Variants in NETO1 observed in about 807,000 individuals in gnomAD.
The protein encoded by NETO1 is neuropilin and tolloid-like protein 1.
Under a neutral mutation model 61.3 loss-of-function variants are expected in NETO1, and 26 were observed. The ratio of observed to expected loss-of-function variants is 0.42; its 90% confidence interval spans 0.31 to 0.59. NETO1 has a LOEUF of 0.59. NETO1 is among the 20% of genes least tolerant of loss of function. The pLI is 0.12. For missense variants in NETO1, 531 were observed against 662.8 expected, an observed-to-expected ratio of 0.80 and a Z score of 2.18; for synonymous variants, 225 against 225.8, an observed-to-expected ratio of 1.00 and a Z score of 0.03.
chr18:72,860,588 A>C (rs895521079), intron 3 of NETO1, among the ~76,000 whole-genome samples: 2 of 152,216 alleles, frequency 1.3e-5, no homozygotes, highest in African/African-American at 4.8e-5. Flanking sequence ...AATTTCTAAA[A>C]AAGTTTCAGA....
At chr18:72,751,079 T>G (rs941670483) in intron 8 of NETO1, among the ~76,000 whole-genome samples, 2 of 46,882 alleles carry the variant, frequency 4.3e-5, no homozygotes, top group Admixed American at 2.4e-4. Context: ...ACACACACAA[T>G]CTATCTATAA....
chr18:72,834,423 G>A (rs2073678016), intron 4 of NETO1: 3 of 975,710 alleles, frequency 3.1e-6, no homozygotes, highest in South Asian at 9.5e-5. Context: ...AAATTTCACT[G>A]AAATTTAAAA....
chr18:72,863,446 CCAGAGA>C (rs1445548857), intron 3 of NETO1, among the ~76,000 whole-genome samples: 2 of 152,128 alleles, frequency 1.3e-5, no homozygotes, highest in Non-Finnish European at 2.9e-5. Flanking sequence ...GACATAGTCC[CCAGAGA>C]ATATTGTTAA....
At chr18:72,777,442 CAA>C (rs536187354) in intron 7 of NETO1, among the ~76,000 whole-genome samples, 78 of 85,318 alleles carry the variant, frequency 9.1e-4, no homozygotes, top group African/African-American at 2.7e-3. Context: ...AAAACAACAA[CAA>C]AAAAAAAACA....
chr18:72,750,160 G>T lies in NETO1; in HGVS notation c.1443C>A (p.Ser481Arg), dbSNP rs1353867081. 6.2e-7 allele frequency: 1 copy of T among 1,614,034 alleles called. No individual in the cohort carries two copies. The highest frequency in any genetic ancestry group is 1.7e-5 in the Admixed American group (1 of 59,998). The change falls in exon 9 of 11, where the codon AGC becomes AGA. Residue 481 changes from serine (S) to arginine (R), a missense_variant. Ser to Arg is a moderately radical substitution (Grantham distance 110). Transcript: ENST00000327305. ...NRRNILVMKH[S>R]YSQDAADACD... is the part of the protein sequence containing the mutation. ...AGGCATCTGCAGCATCTTGCGAGTA[G>T]CTGTGTTTCATGACAAGGATATTTC...
At chr18:72,836,954 C>T (rs140293963) in intron 4 of NETO1, among the ~76,000 whole-genome samples, 33 of 152,144 alleles carry the variant, frequency 2.2e-4, no homozygotes, top group African/African-American at 7.5e-4. Context: ...AGGAAAAGCA[C>T]ATGAGAAGTT....
chr18:72,838,359 G>A (rs1169172811), intron 4 of NETO1, among the ~76,000 whole-genome samples: 1 of 152,184 alleles, frequency 6.6e-6, no homozygotes, highest in Non-Finnish European at 1.5e-5. Context: ...AATTCTCTTT[G>A]ACTGACATCT....
intron 7 of NETO1, among the ~76,000 whole-genome samples, chr18:72,763,393 G>A (rs1267023737): frequency 3.3e-5 from 5 of 152,112 alleles, no homozygotes; most frequent in Non-Finnish European, 7.4e-5. Flanking sequence ...TGGACTTAGG[G>A]TCTGGCTCTC....
intron 4 of NETO1, among the ~76,000 whole-genome samples, chr18:72,801,027 A>G (rs1306443163): frequency 6.6e-6 from 1 of 152,142 alleles, no homozygotes; most frequent in Non-Finnish European, 1.5e-5. Flanking sequence ...CCTCCCTTGC[A>G]ATTGTATGTG....
At chr18:72,844,004 C>T (rs1271352063) in intron 4 of NETO1, among the ~76,000 whole-genome samples, 1 of 152,206 alleles carries the variant, frequency 6.6e-6, no homozygotes, top group Non-Finnish European at 1.5e-5. Flanking sequence ...CCTCTCTCCA[C>T]CTTTTCTGGT....
At chr18:72,866,364 G>A (rs896484076) in intron 1 of NETO1, among the ~76,000 whole-genome samples, 4 of 151,966 alleles carry the variant, frequency 2.6e-5, no homozygotes, top group African/African-American at 9.7e-5. Flanking sequence ...TTATGCTCTA[G>A]CCAGTTCATT....
chr18:72,819,642 T>C (rs7242098), intron 4 of NETO1, among the ~76,000 whole-genome samples: 116,015 of 152,006 alleles, frequency 0.76, 44,760 homozygotes, highest in Non-Finnish European at 0.82. Context: ...ATAATGCAAT[T>C]TCATCTTTGA....
intron 7 of NETO1, among the ~76,000 whole-genome samples, chr18:72,772,793 T>TATCTCTCTC (rs1391807702): frequency 2.5e-4 from 15 of 58,946 alleles, no homozygotes; most frequent in African/African-American, 9.5e-4. Context: ...CTCTATATAG[T>TATCTCTCTC]TCTCTCTCTC....
chr18:72,777,681 C>T (rs758455767), intron 7 of NETO1, among the ~76,000 whole-genome samples: 60 of 150,304 alleles, frequency 4.0e-4, no homozygotes, highest in Non-Finnish European at 4.0e-4. Flanking sequence ...AGGCGGAGCT[C>T]GCAGTGAGCT....
intron 4 of NETO1, among the ~76,000 whole-genome samples, chr18:72,827,228 A>C (rs2073407063): frequency 6.6e-6 from 1 of 152,056 alleles, no homozygotes; most frequent in African/African-American, 2.4e-5. Flanking sequence ...ATCCATAGTA[A>C]AACAATTACT....
intron 4 of NETO1, among the ~76,000 whole-genome samples, chr18:72,835,911 A>G (rs771360713): frequency 1.3e-4 from 20 of 152,196 alleles, no homozygotes; most frequent in Non-Finnish European, 2.9e-4. Flanking sequence ...ACGTAAAGAG[A>G]TAATTACAAC....
intron 4 of NETO1, among the ~76,000 whole-genome samples, chr18:72,836,995 T>A (rs12968923): frequency 6.6e-6 from 1 of 152,066 alleles, no homozygotes; most frequent in South Asian, 2.1e-4. Flanking sequence ...GAATCCGTGA[T>A]TGACTGAAGA....
intron 4 of NETO1, among the ~76,000 whole-genome samples, chr18:72,827,806 T>C (rs1337061762): frequency 6.6e-6 from 1 of 152,132 alleles, no homozygotes; most frequent in African/African-American, 2.4e-5. Context: ...ACAGTTGCTC[T>C]GACTTACGAC....
chr18:72,803,035 A>G (rs1316914011), intron 4 of NETO1, among the ~76,000 whole-genome samples: 1 of 152,202 alleles, frequency 6.6e-6, no homozygotes, highest in Non-Finnish European at 1.5e-5. Context: ...TTTCTGCTTG[A>G]AAAGCATATT....
Sources: gnomAD v4.1 joint callset for allele counts (sites outside exome capture counted in the v4.1 genomes callset) on GRCh38, gnomAD v4.1.1 for gene constraint, MANE v1.5 for transcripts, NCBI Gene and HGNC (gene_info 2026-07-23, HGNC 2026-07-21) for gene names.